ADAMTS9: variants seen among roughly 807,000 people sequenced by gnomAD.
ADAMTS9 encodes the protein ADAM metallopeptidase with thrombospondin type 1 motif 9.
Under a neutral mutation model 257.1 loss-of-function variants are expected in ADAMTS9, and 107 were observed. The observed-to-expected ratio is 0.42, with a 90% CI of 0.36 to 0.49. The LOEUF (loss-of-function observed/expected upper bound fraction) is 0.49. Among genes scored for constraint, ADAMTS9 ranks in the 20% least tolerant of loss-of-function variants. The pLI is 0.03. For missense variants in ADAMTS9, 2,353 were observed against 2,469.1 expected (o/e 0.95, Z 1.00); for synonymous variants, 982 against 880.9 (o/e 1.11, Z -2.03).
rs1382788622 is a variant in ADAMTS9, at chr3:64,633,877, GGTCT to G, written c.1857-2_1858del. The G allele has an allele frequency of 1.2e-6, 2 of 1,609,500 alleles. No individual in the cohort carries two copies. The highest frequency in any genetic ancestry group is 1.7e-4 in the Middle Eastern group (1 of 5,844). ...TACACAGTATTTTCCACCATTTTTT[GGTCT>G]GAAAAAGAAAAAATGTGAAGAGCAC... On this transcript the variant is annotated splice_acceptor_variant and coding_sequence_variant, in exon 13 of 40. Transcript: ENST00000498707. LOFTEE classifies it high-confidence loss of function.
intron 29 of ADAMTS9, among the ~76,000 whole-genome samples, chr3:64,562,465 A>C (rs2083444160): frequency 6.6e-6 from 1 of 152,224 alleles, no homozygotes; most frequent in African/African-American, 2.4e-5. Flanking sequence ...ACACCATATT[A>C]AATCTGCAAT....
chr3:64,522,348 C>A, intron 38 of ADAMTS9, 88 bp from the exon 39 acceptor site: 1 of 1,129,050 alleles, frequency 8.9e-7, no homozygotes, highest in Non-Finnish European at 1.3e-6. Context: ...TTCTTATACA[C>A]ACAGTAAACA....
intron 27 of ADAMTS9, among the ~76,000 whole-genome samples, chr3:64,595,711 A>G (rs1576096694): frequency 6.6e-6 from 1 of 152,360 alleles, no homozygotes; most frequent in African/African-American, 2.4e-5. Context: ...CTACTAGGTT[A>G]TATGGCTGAA....
chr3:64,627,495 C>A (rs1346438127), intron 16 of ADAMTS9, among the ~76,000 whole-genome samples: 4 of 152,088 alleles, frequency 2.6e-5, no homozygotes. Flanking sequence ...ACAGAAATGG[C>A]TACTTTTTCT....
intron 16 of ADAMTS9, among the ~76,000 whole-genome samples, chr3:64,630,859 G>T (rs1294496455): frequency 6.6e-6 from 1 of 152,198 alleles, no homozygotes; most frequent in Admixed American, 6.5e-5. Context: ...TCATCGGCAT[G>T]TTGTGGTTTA....
chr3:64,598,480 G>C (rs1184552516), intron 26 of ADAMTS9, among the ~76,000 whole-genome samples: 4 of 151,538 alleles, frequency 2.6e-5, no homozygotes, highest in Admixed American at 2.0e-4. Context: ...ACCACACCTG[G>C]GTAAATTTTT....
At chr3:64,648,568 T>A (rs1159064280) in intron 10 of ADAMTS9, among the ~76,000 whole-genome samples, 1 of 152,234 alleles carries the variant, frequency 6.6e-6, no homozygotes, top group Non-Finnish European at 1.5e-5. Flanking sequence ...AGATTTTTTA[T>A]CTTTCCTAAT....
chr3:64,527,619 A>T (rs1575979497), intron 38 of ADAMTS9, among the ~76,000 whole-genome samples: 1 of 152,314 alleles, frequency 6.6e-6, no homozygotes, highest in East Asian at 1.9e-4. Context: ...TTTATCGTTG[A>T]ATGTCCCTGA....
At chr3:64,608,258 C>CAAAAAAAAAAAAAAAAAAAAAAAAAAA (rs57247914) in intron 22 of ADAMTS9, among the ~76,000 whole-genome samples, 5 of 53,304 alleles carry the variant, frequency 9.4e-5, no homozygotes, top group East Asian at 4.8e-4. Context: ...AAACTAAAAC[C>CAAAAAAAAAAAAAAAAAAAAAAAAAAA]AAAAAAAAAA....
intron 14 of ADAMTS9, among the ~76,000 whole-genome samples, chr3:64,632,795 A>C (rs1489717715): frequency 6.6e-6 from 1 of 151,032 alleles, no homozygotes; most frequent in African/African-American, 2.4e-5. Context: ...AATCCTTCCA[A>C]CCAGGAACTC....
chr3:64,563,180 G>A (rs577052496), intron 29 of ADAMTS9: 56 of 152,240 alleles, frequency 3.7e-4, no homozygotes, highest in African/African-American at 1.2e-3. Context: ...TATAGAGAAT[G>A]GCCATTTAAT....
chr3:64,594,568 T>C (rs376197067), intron 27 of ADAMTS9, 134 bp from the exon 28 acceptor site: 3 of 1,030,296 alleles, frequency 2.9e-6, no homozygotes, highest in East Asian at 2.4e-5. Context: ...GGAACCAAGG[T>C]GAATTACCAA....
chr3:64,603,595 T>G (rs2084503801), intron 25 of ADAMTS9, among the ~76,000 whole-genome samples: 5 of 152,094 alleles, frequency 3.3e-5, no homozygotes, highest in Admixed American at 3.3e-4. Context: ...TCTCCTGACA[T>G]TTTTGGTCCT....
At position 64,603,939 on chromosome 3, in the gene ADAMTS9, C is replaced by A. The variant is rs1180310513; in HGVS notation, c.3730G>T (p.Ala1244Ser). 1 of 1,614,002 alleles carries A rather than the reference C, an allele frequency of 6.2e-7. No individual in the cohort carries two copies. The highest frequency in any genetic ancestry group is 8.5e-7 in the Non-Finnish European group (1 of 1,179,952). The change falls in exon 25 of 40, where the codon GCC becomes TCC. Residue 1244 changes from alanine to serine, a missense_variant. Ala to Ser is a moderately conservative substitution (Grantham distance 99, BLOSUM62 1). Coordinates refer to ENST00000498707, the MANE Select transcript of ADAMTS9 (RefSeq NM_182920.2). The stretch of plus-strand genomic sequence containing the variant: ...TGGCTTACAGAGCTCCAGTCCAAGG[C>A]CTTCCATTGCCCACAGGGTGTCACA... ...CSVTPCGQWKALDWSSCSVTC... is the reference protein window; with the variant it reads ...CSVTPCGQWKSLDWSSCSVTC...
intron 10 of ADAMTS9, 26 bp downstream of exon 10, chr3:64,649,611 G>A (rs1700882122): frequency 6.3e-7 from 1 of 1,593,192 alleles, no homozygotes; most frequent in Non-Finnish European, 8.6e-7. Context: ...AGTAGATGAG[G>A]GCAGAAGTGG....
At chr3:64,550,668 C>T (rs1008778480) in intron 31 of ADAMTS9, 1 of 554,112 alleles carries the variant, frequency 1.8e-6, no homozygotes, top group African/African-American at 1.9e-5. Context: ...AGAATGTAGA[C>T]CTGAAGGGAC....
chr3:64,574,308 C>T (rs1456935903), intron 28 of ADAMTS9, among the ~76,000 whole-genome samples: 1 of 152,162 alleles, frequency 6.6e-6, no homozygotes, highest in East Asian at 1.9e-4. Flanking sequence ...TTAATTCCAA[C>T]AGCAGTCTGG....
chr3:64,661,932 C>T (rs1380231378), intron 3 of ADAMTS9, among the ~76,000 whole-genome samples: 2 of 151,730 alleles, frequency 1.3e-5, no homozygotes, highest in Admixed American at 6.6e-5. Context: ...TTGATTTCTG[C>T]TCAAATCTCG....
chr3:64,625,395 G>T (rs1216951624), intron 16 of ADAMTS9, among the ~76,000 whole-genome samples: 1 of 152,174 alleles, frequency 6.6e-6, no homozygotes, highest in African/African-American at 2.4e-5. Flanking sequence ...GTACACAGAA[G>T]AGGTTCCAAG....
Sources: allele counts gnomAD v4.1 joint callset (sites outside exome capture counted in the v4.1 genomes callset), GRCh38; gene constraint gnomAD v4.1.1; transcripts MANE v1.5; gene names NCBI Gene and HGNC (gene_info 2026-07-23, HGNC 2026-07-21).